RORA: variants seen among roughly 807,000 people sequenced by gnomAD.
RORA encodes the protein RAR related orphan receptor A.
In RORA, 7 loss-of-function variants were observed where a neutral mutation model predicts 69.5. The observed-to-expected ratio is 0.10, with a 90% CI of 0.06 to 0.19. The LOEUF (loss-of-function observed/expected upper bound fraction) is 0.19. Ranked by LOEUF, RORA falls within the 10% of genes least tolerant of loss-of-function variation. The probability of loss-of-function intolerance (pLI) is 1.00; values close to 1 mark genes in which losing one functional copy is unlikely to be tolerated. For missense variants in RORA, 457 were observed against 663.0 expected (o/e 0.69, Z 3.41); for synonymous variants, 261 against 240.8 (o/e 1.08, Z -0.78).
intron 1 of RORA, among the ~76,000 whole-genome samples, chr15:60,900,464 C>G (rs1891356043): frequency 6.6e-6 from 1 of 152,194 alleles, no homozygotes; most frequent in Non-Finnish European, 1.5e-5. Flanking sequence ...TAGCATGAGG[C>G]TGAATATGCC....
At chr15:60,787,148 C>T (rs931795489) in intron 1 of RORA, among the ~76,000 whole-genome samples, 6 of 152,222 alleles carry the variant, frequency 3.9e-5, no homozygotes, top group Admixed American at 3.9e-4. Context: ...AGAGATCTAA[C>T]AGGAAAACTC....
chr15:61,202,880 T>C (rs1364898923), intron 1 of RORA, among the ~76,000 whole-genome samples: 1 of 152,156 alleles, frequency 6.6e-6, no homozygotes, highest in African/African-American at 2.4e-5. Flanking sequence ...CTACCCTGTG[T>C]TGCAGGATAG....
chr15:60,713,323 C>T (rs1305491009), intron 1 of RORA, among the ~76,000 whole-genome samples: 1 of 152,102 alleles, frequency 6.6e-6, no homozygotes, highest in Non-Finnish European at 1.5e-5. Flanking sequence ...GCTCCTCCTA[C>T]CCCCACTTTA....
intron 1 of RORA, among the ~76,000 whole-genome samples, chr15:61,124,802 T>A (rs1436792253): frequency 6.6e-6 from 1 of 152,262 alleles, no homozygotes; most frequent in South Asian, 2.1e-4. Context: ...AGTTTCTCCA[T>A]CTGATAAGAA....
chr15:60,578,508 C>A (rs1054019411), intron 2 of RORA, among the ~76,000 whole-genome samples: 1 of 152,164 alleles, frequency 6.6e-6, no homozygotes. Flanking sequence ...AACATATCCA[C>A]ATCTGAATAA....
In RORA at chr15:61,226,303, A is replaced by G. The variant is rs1424111819; in HGVS notation, c.166+2750T>C. ...CAAGAACTCCACTCCACCCTCCTGGAGGTTGAAAATGCTAATCATAAGGTG... is the reference window on the plus strand; with the variant it reads ...CAAGAACTCCACTCCACCCTCCTGGGGGTTGAAAATGCTAATCATAAGGTG... On this transcript the variant is annotated intron_variant, in intron 1 of 10. Coordinates refer to ENST00000335670, the MANE Select transcript of RORA (RefSeq NM_134261.3). This position sits in a 1 kb window ranked among gnomAD's most constrained non-coding sequence, Gnocchi z 4.2. Among the ~76,000 whole-genome samples, 3 of 152,206 alleles carry G rather than the reference A, an allele frequency of 2.0e-5. No homozygotes were observed. The highest frequency in any genetic ancestry group is 4.4e-5 in the Non-Finnish European group (3 of 68,022).
At chr15:60,915,203 C>T (rs527858813) in intron 1 of RORA, among the ~76,000 whole-genome samples, 1 of 152,238 alleles carries the variant, frequency 6.6e-6, no homozygotes, top group Non-Finnish European at 1.5e-5. Flanking sequence ...ATCTCTGTAG[C>T]CTGCTCTCCC....
chr15:60,925,816 A>C (rs969417846), intron 1 of RORA, among the ~76,000 whole-genome samples: 1 of 152,252 alleles, frequency 6.6e-6, no homozygotes, highest in Non-Finnish European at 1.5e-5. Context: ...TACTCAGGAC[A>C]GTGCCTGTAA....
At chr15:60,863,526 C>T (rs1349240529) in intron 1 of RORA, among the ~76,000 whole-genome samples, 1 of 152,152 alleles carries the variant, frequency 6.6e-6, no homozygotes, top group African/African-American at 2.4e-5. Context: ...CTACGAAAAG[C>T]TGTATTCATG....
intron 1 of RORA, among the ~76,000 whole-genome samples, chr15:60,888,059 C>T (rs1272727729): frequency 1.3e-5 from 2 of 152,346 alleles, no homozygotes; most frequent in African/African-American, 4.8e-5. Flanking sequence ...CTCTCTCCAT[C>T]CTTGCCCTGC....
chr15:60,994,616 C>T lies in RORA; in HGVS notation c.166+234437G>A, dbSNP rs187425673. Among the ~76,000 whole-genome samples the T allele has an allele frequency of 9.1e-4, 139 of 152,304 alleles. 3 individuals are homozygous for T. In the South Asian group the frequency reaches 0.019, roughly 21 times the overall value. Reference sequence around the variant, plus strand: ...GGATTTGAGAAGGAGAAATCCTGTCCTCCTGCCCTGAAGCCTACATGATTA... The same window carrying T: ...GGATTTGAGAAGGAGAAATCCTGTCTTCCTGCCCTGAAGCCTACATGATTA... On this transcript the variant is annotated intron_variant, in intron 1 of 10. Transcript: ENST00000335670.
At chr15:61,018,486 T>C (rs1895382820) in intron 1 of RORA, among the ~76,000 whole-genome samples, 1 of 152,148 alleles carries the variant, frequency 6.6e-6, no homozygotes, top group Non-Finnish European at 1.5e-5. Flanking sequence ...TGTGAGGGCG[T>C]GTGGGAGCGT....
intron 1 of RORA, chr15:60,682,080 T>C (rs1055177526): frequency 1.3e-5 from 2 of 152,226 alleles, no homozygotes; most frequent in South Asian, 2.1e-4. Context: ...TTGAACAAGT[T>C]ACTTAACTTT....
intron 1 of RORA, among the ~76,000 whole-genome samples, chr15:61,209,880 T>C (rs1382485014): frequency 6.6e-6 from 1 of 152,262 alleles, no homozygotes; most frequent in Non-Finnish European, 1.5e-5. Flanking sequence ...TGCACTGACT[T>C]ACTTATACAT....
At chr15:60,754,821 G>A (rs2071773854) in intron 1 of RORA, among the ~76,000 whole-genome samples, 1 of 152,040 alleles carries the variant, frequency 6.6e-6, no homozygotes, top group African/African-American at 2.4e-5. Context: ...CTGGAAATAG[G>A]GCTCCATTCT....
chr15:60,951,907 A>T (rs1038125662), intron 1 of RORA, among the ~76,000 whole-genome samples: 5 of 150,658 alleles, frequency 3.3e-5, no homozygotes, highest in Non-Finnish European at 5.9e-5. Context: ...TCCAATCAAT[A>T]GAAAAAGAGG....
chr15:60,544,257 CCAA>C (rs1159250048), intron 2 of RORA, among the ~76,000 whole-genome samples: 1 of 152,180 alleles, frequency 6.6e-6, no homozygotes, highest in Non-Finnish European at 1.5e-5. Flanking sequence ...TCTCATTTCC[CCAA>C]CAGGGACCTC....
chr15:61,083,093 G>C (rs1428295577), intron 1 of RORA, among the ~76,000 whole-genome samples: 1 of 152,180 alleles, frequency 6.6e-6, no homozygotes, highest in African/African-American at 2.4e-5. Flanking sequence ...AAAAGGTGTG[G>C]AATTGTTGTG....
At chr15:61,106,729 T>A (rs998623584) in intron 1 of RORA, among the ~76,000 whole-genome samples, 2 of 152,180 alleles carry the variant, frequency 1.3e-5, no homozygotes, top group African/African-American at 2.4e-5. Context: ...CTCATTTCAC[T>A]TTTTTTCTCA....
Sources: gnomAD v4.1 joint callset for allele counts (sites outside exome capture counted in the v4.1 genomes callset) on GRCh38, gnomAD v4.1.1 for gene constraint, Gnocchi (gnomAD v3.1) non-coding constraint, MANE v1.5 for transcripts, NCBI Gene and HGNC (gene_info 2026-07-23, HGNC 2026-07-21) for gene names.